Variants in EPB41 observed in about 807,000 individuals in gnomAD.
EPB41 encodes the protein erythrocyte membrane protein band 4.1.
A neutral mutation model predicts 108.0 loss-of-function variants in EPB41; 65 were observed. That is an observed-to-expected ratio of 0.60 (90% CI 0.49 to 0.74). The LOEUF is 0.74. Ranked by LOEUF, EPB41 falls within the 30% of genes least tolerant of loss-of-function variation. The probability of loss-of-function intolerance (pLI) is 0.00; values close to 1 mark genes in which losing one functional copy is unlikely to be tolerated. For synonymous variants in EPB41, 336 were observed against 358.9 expected (o/e 0.94, Z 0.72); for missense variants, 875 against 1,037.0 (o/e 0.84, Z 2.15).
intron 18 of EPB41, chr1:29,109,663 G>A (rs754012938): frequency 6.5e-5 from 37 of 571,058 alleles, no homozygotes; most frequent in Non-Finnish European, 1.1e-4. Flanking sequence ...GTCTCCTAAA[G>A]GTAGGTGTGG....
chr1:29,000,346 C>T (rs534395409), intron 4 of EPB41, among the ~76,000 whole-genome samples: 3 of 152,270 alleles, frequency 2.0e-5, no homozygotes, highest in South Asian at 2.1e-4. Flanking sequence ...GCGATTCACC[C>T]GCCTTGGCCT....
chr1:28,989,490 A>G (rs942952950), intron 2 of EPB41: 1 of 634,930 alleles, frequency 1.6e-6, no homozygotes, highest in Non-Finnish European at 2.0e-6. Context: ...AAAGTCCTAC[A>G]TGTTTCTATT....
chr1:28,950,120 G>A (rs1055716952), intron 1 of EPB41, among the ~76,000 whole-genome samples: 1 of 152,140 alleles, frequency 6.6e-6, no homozygotes, highest in Admixed American at 6.5e-5. Context: ...TAGTGTGTTG[G>A]ATGTGTAGGT....
chr1:28,925,706 T>C (rs1243822171), intron 1 of EPB41, among the ~76,000 whole-genome samples: 2 of 152,082 alleles, frequency 1.3e-5, no homozygotes, highest in Non-Finnish European at 2.9e-5. Flanking sequence ...TGATCCAGCA[T>C]GTTGGGTCAA....
At chr1:29,041,614 T>G (rs1441629403) in intron 11 of EPB41, 1 of 151,884 alleles carries the variant, frequency 6.6e-6, no homozygotes, top group Admixed American at 6.6e-5. Context: ...TGTTGTTATG[T>G]GCATATATAG....
At chr1:28,944,000 C>T (rs1161004096) in intron 1 of EPB41, among the ~76,000 whole-genome samples, 4 of 152,140 alleles carry the variant, frequency 2.6e-5, no homozygotes, top group African/African-American at 9.7e-5. Context: ...AGAAAATCTA[C>T]ATATACACAT....
intron 3 of EPB41, among the ~76,000 whole-genome samples, chr1:28,994,770 C>A (rs945977410): frequency 1.3e-5 from 2 of 149,160 alleles, no homozygotes; most frequent in Admixed American, 6.7e-5. Flanking sequence ...GTGATCCTCC[C>A]ACCTCAGCCT....
chr1:28,926,124 C>T (rs1241909388), intron 1 of EPB41, among the ~76,000 whole-genome samples: 1 of 151,518 alleles, frequency 6.6e-6, no homozygotes, highest in African/African-American at 2.4e-5. Context: ...GCAGGTGGAT[C>T]ACCTGAAGTC....
intron 1 of EPB41, among the ~76,000 whole-genome samples, chr1:28,923,956 A>C (rs947103994): frequency 6.6e-6 from 1 of 152,126 alleles, no homozygotes; most frequent in African/African-American, 2.4e-5. Flanking sequence ...ATTGAATAGA[A>C]TACAGCAAAA....
intron 1 of EPB41, among the ~76,000 whole-genome samples, chr1:28,927,400 GT>G (rs1467401205): frequency 2.6e-5 from 4 of 152,228 alleles, no homozygotes; most frequent in Non-Finnish European, 5.9e-5. Flanking sequence ...GAAGCATGGA[GT>G]TTTTTGTTGT....
intron 17 of EPB41, among the ~76,000 whole-genome samples, chr1:29,101,373 T>A (rs973170562): frequency 1.3e-5 from 2 of 152,226 alleles, no homozygotes; most frequent in African/African-American, 4.8e-5. Flanking sequence ...CCACTGACCA[T>A]TGCAAGCTTT....
At chr1:29,073,447 G>A (rs1047809256) in intron 16 of EPB41, among the ~76,000 whole-genome samples, 5 of 152,094 alleles carry the variant, frequency 3.3e-5, no homozygotes, top group African/African-American at 7.2e-5. Context: ...CCTGGTTGTC[G>A]TTCAATTCTT....
In EPB41 at chr1:29,067,539, C is replaced by T. The variant is rs1005150449; in HGVS notation, c.2184+2381C>T. ...AAAAAAAGCCAGGCATGGTGGCATG[C>T]GCCTGTAATCTCAGCTACTTGGGAG... On this transcript the variant is annotated intron_variant, in intron 16 of 20. Transcript: ENST00000343067. Among the ~76,000 whole-genome samples, 19 of 144,518 alleles carry T rather than the reference C, an allele frequency of 1.3e-4. No individual in the cohort carries two copies. In the South Asian group the frequency reaches 3.1e-3, roughly 23 times the overall value. 94.8% of individuals were successfully genotyped at this position (144,518 alleles called of 152,430 possible). A position where few individuals can be genotyped will look rare whatever the true frequency, so the allele number is the denominator to read the frequency against.
At chr1:29,015,180 A>AGT (rs2096561672) in intron 5 of EPB41, among the ~76,000 whole-genome samples, 1 of 152,224 alleles carries the variant, frequency 6.6e-6, no homozygotes, top group Non-Finnish European at 1.5e-5. Flanking sequence ...CAAATCCTTA[A>AGT]GTGATATCTA....
At chr1:28,958,365 T>C (rs1406253341) in intron 1 of EPB41, among the ~76,000 whole-genome samples, 1 of 152,032 alleles carries the variant, frequency 6.6e-6, no homozygotes, top group Non-Finnish European at 1.5e-5. Flanking sequence ...GGAGGATTGC[T>C]TGAGCCTGGG....
In EPB41 at chr1:28,968,521, T is replaced by G. The variant is rs756416100; in HGVS notation, c.-7-18910T>G. Among the ~76,000 whole-genome samples the G allele has an allele frequency of 3.8e-4, 58 of 152,168 alleles. 1 individual carries two copies. The highest frequency in any genetic ancestry group is 7.5e-4 in the Non-Finnish European group (51 of 68,032). On this transcript the variant is annotated intron_variant, in intron 1 of 20. Coordinates refer to ENST00000343067, the MANE Select transcript of EPB41 (RefSeq NM_001376013.1). ...TATTTCCTCATGTTTTTCTAAAAATTTATGATTGTATAGAGAATATTCCAC... is the reference window on the plus strand; with the variant it reads ...TATTTCCTCATGTTTTTCTAAAAATGTATGATTGTATAGAGAATATTCCAC...
chr1:28,947,015 GA>G (rs2094508785), intron 1 of EPB41, among the ~76,000 whole-genome samples: 1 of 152,226 alleles, frequency 6.6e-6, no homozygotes, highest in South Asian at 2.1e-4. Context: ...CACAAAAAGG[GA>G]GATAAGGCAG....
At chr1:29,033,003 T>C (rs1486556381) in intron 8 of EPB41, 90 bp from the exon 9 acceptor site, 1 of 1,243,666 alleles carries the variant, frequency 8.0e-7, no homozygotes, top group East Asian at 2.3e-5. Context: ...GTAACTGTTT[T>C]TGGTTGTTAT....
chr1:29,012,931 G>C (rs566068830), intron 5 of EPB41, among the ~76,000 whole-genome samples: 108 of 152,152 alleles, frequency 7.1e-4, no homozygotes, highest in Non-Finnish European at 1.2e-3. Flanking sequence ...ATAACTCCTT[G>C]CTCCTTTCAA....
Sources: gnomAD v4.1 joint callset for allele counts (sites outside exome capture counted in the v4.1 genomes callset) on GRCh38, gnomAD v4.1.1 for gene constraint, MANE v1.5 for transcripts, NCBI Gene and HGNC (gene_info 2026-07-23, HGNC 2026-07-21) for gene names.